The following GRID2 variants were observed in gnomAD, a reference collection of about 807,000 sequenced individuals.
GRID2 encodes the protein glutamate receptor ionotropic, delta-2.
Under a neutral mutation model 114.8 loss-of-function variants are expected in GRID2, and 33 were observed. The observed-to-expected ratio is 0.29, with a 90% CI of 0.22 to 0.38. The LOEUF (loss-of-function observed/expected upper bound fraction) is 0.38, where lower values mean the gene tolerates loss of function less well. Ranked by LOEUF, GRID2 falls within the 10% of genes least tolerant of loss-of-function variation. The pLI, the probability that GRID2 is intolerant of heterozygous loss-of-function variation, is 1.00. For synonymous variants in GRID2, 505 were observed against 449.9 expected, an observed-to-expected ratio of 1.12 and a Z score of -1.55; for missense variants, 1,184 against 1,257.7, an observed-to-expected ratio of 0.94 and a Z score of 0.89.
intron 2 of GRID2, among the ~76,000 whole-genome samples, chr4:92,771,899 A>T (rs1738561658): frequency 6.6e-6 from 1 of 152,182 alleles, no homozygotes; most frequent in African/African-American, 2.4e-5. Context: ...GTCAGGAATC[A>T]TGTATGCTCC....
intron 2 of GRID2, among the ~76,000 whole-genome samples, chr4:92,699,318 C>T (rs888579528): frequency 6.6e-6 from 1 of 152,056 alleles, no homozygotes; most frequent in African/African-American, 2.4e-5. Context: ...TTAAATATTC[C>T]AGTACATTTC....
intron 1 of GRID2, among the ~76,000 whole-genome samples, chr4:92,385,075 A>C (rs1357409224): frequency 6.6e-6 from 1 of 151,804 alleles, no homozygotes; most frequent in Non-Finnish European, 1.5e-5. Context: ...AAATTGCACC[A>C]GGTCAAATGT....
intron 1 of GRID2, among the ~76,000 whole-genome samples, chr4:92,547,858 A>G (rs2149169394): frequency 6.6e-6 from 1 of 152,336 alleles, no homozygotes; most frequent in East Asian, 1.9e-4. Flanking sequence ...TACAAAAAGA[A>G]AGGAGAATAT....
At chr4:93,633,169 T>G (rs1177204383) in intron 14 of GRID2, among the ~76,000 whole-genome samples, 1 of 152,064 alleles carries the variant, frequency 6.6e-6, no homozygotes, top group Admixed American at 6.6e-5. Flanking sequence ...CTACTTTTAT[T>G]CATTTATTTG....
chr4:93,807,942 A>G (rs1050852007), exon 2 of GRID2: 1 of 152,084 alleles, frequency 6.6e-6, no homozygotes, highest in Non-Finnish European at 1.5e-5. Flanking sequence ...AACAATGGCC[A>G]TAAGTATTCC....
At chr4:93,369,096 G>A (rs1196160612) in intron 8 of GRID2, among the ~76,000 whole-genome samples, 1 of 152,092 alleles carries the variant, frequency 6.6e-6, no homozygotes, top group East Asian at 1.9e-4. Flanking sequence ...CAGTTTTGGA[G>A]GCCAAAAGTT....
At chr4:93,463,419 C>T (rs557295278) in intron 11 of GRID2, among the ~76,000 whole-genome samples, 79 of 152,222 alleles carry the variant, frequency 5.2e-4, no homozygotes, top group African/African-American at 1.7e-3. Context: ...CTCCTCATGA[C>T]GTGAGTCAGA....
intron 8 of GRID2, among the ~76,000 whole-genome samples, chr4:93,373,374 T>A (rs1763102295): frequency 6.6e-6 from 1 of 152,022 alleles, no homozygotes; most frequent in African/African-American, 2.4e-5. Context: ...CAGAAGGTAA[T>A]GTGATTTACC....
chr4:93,220,999 G>T (rs1744808080), intron 6 of GRID2, among the ~76,000 whole-genome samples: 1 of 152,074 alleles, frequency 6.6e-6, no homozygotes, highest in Non-Finnish European at 1.5e-5. Flanking sequence ...ATAAAGTATA[G>T]GTTCAAAATC....
intron 11 of GRID2, among the ~76,000 whole-genome samples, chr4:93,473,540 A>T (rs1161809377): frequency 6.6e-6 from 1 of 152,166 alleles, no homozygotes; most frequent in Non-Finnish European, 1.5e-5. Flanking sequence ...ATAAAACATG[A>T]CAACTCTGCA....
chr4:92,366,083 A>G (rs2110209618), intron 1 of GRID2, among the ~76,000 whole-genome samples: 1 of 152,182 alleles, frequency 6.6e-6, no homozygotes, highest in Non-Finnish European at 1.5e-5. Context: ...TATAGACACT[A>G]TGTCTTTTTT....
At chr4:93,634,255 C>T (rs770434515) in intron 14 of GRID2, among the ~76,000 whole-genome samples, 1 of 151,878 alleles carries the variant, frequency 6.6e-6, no homozygotes, top group Non-Finnish European at 1.5e-5. Flanking sequence ...AAAAATAAAT[C>T]GAATTTGGAT....
At chr4:93,125,740 G>A (rs1734206929) in intron 4 of GRID2, among the ~76,000 whole-genome samples, 3 of 152,042 alleles carry the variant, frequency 2.0e-5, no homozygotes, top group South Asian at 2.1e-4. Context: ...AAAAATTATT[G>A]TAATGAATAA....
rs537155592 is a variant in GRID2 at position 92,436,342 on chromosome 4, C to G, written c.88+131598C>G. On this transcript the variant is annotated intron_variant, in intron 1 of 15. Coordinates refer to ENST00000282020, the MANE Select transcript of GRID2 (RefSeq NM_001510.4). ...CTATATCAATGAATTAAAAATTTCT[C>G]AAAATACTAAAGATGTGGCAATAAA... Among the ~76,000 whole-genome samples, 33 of 152,148 alleles carry G rather than the reference C, an allele frequency of 2.2e-4. No individual in the cohort carries two copies. In the South Asian group the frequency reaches 6.8e-3, roughly 31 times the overall value.
At chr4:93,638,075 C>G (rs138862870) in intron 14 of GRID2, among the ~76,000 whole-genome samples, 1 of 152,014 alleles carries the variant, frequency 6.6e-6, no homozygotes, top group South Asian at 2.1e-4. Flanking sequence ...TAAGCTCTAA[C>G]GATTTCTGTC....
intron 2 of GRID2, among the ~76,000 whole-genome samples, chr4:92,817,807 T>C (rs557276620): frequency 6.6e-6 from 1 of 152,106 alleles, no homozygotes; most frequent in South Asian, 2.1e-4. Flanking sequence ...GTTGAGATTA[T>C]AGGTGTGAGC....
chr4:92,598,268 C>T (rs561640702), intron 2 of GRID2, among the ~76,000 whole-genome samples: 2 of 152,198 alleles, frequency 1.3e-5, no homozygotes, highest in South Asian at 2.1e-4. Flanking sequence ...AGTCTTGTGC[C>T]AACTACTCTG....
At chr4:93,107,780 C>T (rs2149347991) in intron 3 of GRID2, among the ~76,000 whole-genome samples, 1 of 152,232 alleles carries the variant, frequency 6.6e-6, no homozygotes, top group African/African-American at 2.4e-5. Context: ...AGACATGAGC[C>T]AGCACGCCCA....
At chr4:92,859,256 A>G (rs1469512079) in intron 2 of GRID2, among the ~76,000 whole-genome samples, 2 of 152,214 alleles carry the variant, frequency 1.3e-5, no homozygotes, top group Middle Eastern at 3.2e-3. Flanking sequence ...TGAATGCACA[A>G]TCATTCACAA....
Sources: gnomAD v4.1 joint callset for allele counts (sites outside exome capture counted in the v4.1 genomes callset) on GRCh38, gnomAD v4.1.1 for gene constraint, MANE v1.5 for transcripts, NCBI Gene and HGNC (gene_info 2026-07-23, HGNC 2026-07-21) for gene names.